AGPAT3: variants seen among roughly 807,000 people sequenced by gnomAD.
AGPAT3 encodes the protein 1-acylglycerol-3-phosphate O-acyltransferase 3.
In AGPAT3, 5 loss-of-function variants were observed where a neutral mutation model predicts 47.3. The observed-to-expected ratio is 0.11, with a 90% CI of 0.06 to 0.22. The LOEUF (loss-of-function observed/expected upper bound fraction) is 0.22. AGPAT3 is among the 10% of genes least tolerant of loss of function. The pLI is 1.00. For missense variants in AGPAT3, 315 were observed against 493.0 expected (o/e 0.64, Z 3.42); for synonymous variants, 212 against 208.3 (o/e 1.02, Z -0.15).
chr21:43,941,629 G>A (rs540802949), intron 2 of AGPAT3, among the ~76,000 whole-genome samples: 1 of 152,312 alleles, frequency 6.6e-6, no homozygotes, highest in Admixed American at 6.5e-5. Context: ...TGAGCAAGGG[G>A]GTCGGTCATT....
At chr21:43,910,330 G>A (rs982514778) in intron 2 of AGPAT3, among the ~76,000 whole-genome samples, 1 of 152,232 alleles carries the variant, frequency 6.6e-6, no homozygotes, top group Non-Finnish European at 1.5e-5. Flanking sequence ...GGAGCCACAG[G>A]TGTCTCCCAG....
intron 1 of AGPAT3, among the ~76,000 whole-genome samples, chr21:43,882,822 TAAG>T (rs1202703364): frequency 6.6e-6 from 1 of 152,114 alleles, no homozygotes; most frequent in African/African-American, 2.4e-5. Context: ...GGGTGGGGCT[TAAG>T]GAGGTAGCTG....
chr21:43,924,499 G>A (rs150670253), intron 2 of AGPAT3, among the ~76,000 whole-genome samples: 10 of 152,290 alleles, frequency 6.6e-5, no homozygotes, highest in African/African-American at 2.2e-4. Context: ...GTCCGCTCCC[G>A]TGAGGAGCAG....
rs549429140 is a variant in AGPAT3, at chr21:43,968,121, C to T, written c.348+6C>T. 25 of 1,415,262 alleles carry T rather than the reference C, an allele frequency of 1.8e-5. No homozygotes were observed. Among genetic ancestry groups the T allele is most frequent in the South Asian group, 1.4e-4 (12 of 88,368 alleles). 87.7% of individuals were successfully genotyped at this position (1,415,262 alleles called of 1,614,324 possible). On this transcript the variant is annotated splice_donor_region_variant and intron_variant, in intron 4 of 9. Coordinates refer to ENST00000291572, the MANE Select transcript of AGPAT3 (RefSeq NM_020132.5). ...AGCGCTTCGGAGTGCTGGGGGTGAG[C>T]GGGGACCTGGGGAGGGCCACGGGTG...
intron 2 of AGPAT3, among the ~76,000 whole-genome samples, chr21:43,928,751 C>T (rs758343734): frequency 2.6e-5 from 4 of 152,182 alleles, no homozygotes; most frequent in Admixed American, 6.5e-5. Flanking sequence ...CTACTGGAGA[C>T]GTCATCGGAT....
Position 43,981,362 on chromosome 21 carries a change from A to G in AGPAT3, c.1042+175A>G, listed in dbSNP as rs2089844576. On this transcript the variant is annotated intron_variant, in intron 9 of 9. Transcript: ENST00000291572. The surrounding 1 kb of genome is among the most constrained non-coding windows in gnomAD (Gnocchi z 5.3). ...CGGGCCTCAGAGCCTGGATTCTTGC[A>G]CTGAGCTGAGGGTCGCCTCCCCAGA... 2 of 722,072 alleles carry G rather than the reference A, an allele frequency of 2.8e-6. No homozygotes were observed. Among genetic ancestry groups the G allele is most frequent in the Non-Finnish European group, 4.6e-6 (2 of 438,090 alleles). The allele number at this position is 722,072 out of a possible 1,614,324, so 44.7% of individuals were successfully genotyped here. A position where few individuals can be genotyped will look rare whatever the true frequency, so the allele number is the denominator to read the frequency against.
intron 1 of AGPAT3, among the ~76,000 whole-genome samples, chr21:43,889,800 A>AATGATC (rs1218141650): frequency 6.6e-6 from 1 of 152,228 alleles, no homozygotes; most frequent in Non-Finnish European, 1.5e-5. Context: ...AAAAAATGCT[A>AATGATC]ATGATCATCT....
At chr21:43,957,401 G>A (rs764616166) in intron 2 of AGPAT3, among the ~76,000 whole-genome samples, 1 of 152,208 alleles carries the variant, frequency 6.6e-6, no homozygotes, top group Non-Finnish European at 1.5e-5. Flanking sequence ...CCATGGGAGT[G>A]CACTCAGTGC....
chr21:43,905,351 G>T (rs1240529893), intron 2 of AGPAT3, among the ~76,000 whole-genome samples: 1 of 151,802 alleles, frequency 6.6e-6, no homozygotes, highest in African/African-American at 2.4e-5. Context: ...CACCACGTCC[G>T]GCTAATTTTT....
chr21:43,948,157 G>A (rs2087996383), intron 2 of AGPAT3: 1 of 152,136 alleles, frequency 6.6e-6, no homozygotes, highest in Non-Finnish European at 1.5e-5. Flanking sequence ...CTTGAAGAGG[G>A]CAGCTGCTGG....
intron 7 of AGPAT3, among the ~76,000 whole-genome samples, chr21:43,972,959 G>A (rs2089459364): frequency 6.6e-6 from 1 of 152,174 alleles, no homozygotes; most frequent in African/African-American, 2.4e-5. Flanking sequence ...CTGAGTGTGC[G>A]TCCTGATCAG....
Position 43,962,203 on chromosome 21 carries a change from T to C in AGPAT3, c.178+2344T>C, listed in dbSNP as rs183322810. Among the ~76,000 whole-genome samples the C allele has an allele frequency of 4.3e-3, 649 of 152,110 alleles. 2 individuals are homozygous for C. The highest frequency in any genetic ancestry group is 6.8e-3 in the Non-Finnish European group (464 of 67,960). On this transcript the variant is annotated intron_variant, in intron 3 of 9. Coordinates refer to ENST00000291572, the MANE Select transcript of AGPAT3 (RefSeq NM_020132.5). ...ATTTTTAGTAGAGACGGGGTTTCAC[T>C]GTGTTAGCCAGGATGGTTTTGATCT...
intron 2 of AGPAT3, among the ~76,000 whole-genome samples, chr21:43,917,178 GC>G (rs1029613984): frequency 1.3e-5 from 1 of 78,308 alleles, no homozygotes; most frequent in Non-Finnish European, 3.1e-5. Flanking sequence ...CCCCGCCCCC[GC>G]CCCCCACACA....
intron 1 of AGPAT3, among the ~76,000 whole-genome samples, chr21:43,873,848 A>G (rs768188206): frequency 6.6e-5 from 10 of 152,158 alleles, no homozygotes; most frequent in Non-Finnish European, 1.3e-4. Context: ...AGAACCAGCT[A>G]TCAGTCTTAC....
intron 2 of AGPAT3, among the ~76,000 whole-genome samples, chr21:43,947,991 C>T (rs921792379): frequency 2.0e-5 from 3 of 152,176 alleles, no homozygotes; most frequent in Admixed American, 6.5e-5. Flanking sequence ...ATATTGAATA[C>T]GAGCCATTCG....
chr21:43,897,353 T>C (rs1472082640), intron 1 of AGPAT3, among the ~76,000 whole-genome samples: 2 of 152,124 alleles, frequency 1.3e-5, no homozygotes, highest in Non-Finnish European at 2.9e-5. Flanking sequence ...CTATGTCTAC[T>C]TCTTTCTACA....
rs1003839952 is a variant in AGPAT3, at chr21:43,954,138, C to A, written c.-48-5496C>A. On this transcript the variant is annotated intron_variant, in intron 2 of 9. Coordinates refer to ENST00000291572, the MANE Select transcript of AGPAT3 (RefSeq NM_020132.5). The surrounding 1 kb of genome is among the most constrained non-coding windows in gnomAD (Gnocchi z 4.0). ...GGGGCCACTGAGTCCAGGCCCCTCC[C>A]AATGCTTTCCTGCTCTGCCAGCCCA... 3.3e-5 allele frequency among the ~76,000 whole-genome samples: 5 copies of A among 152,258 alleles called. No homozygotes were observed. Among genetic ancestry groups the A allele is most frequent in the Admixed American group, 6.5e-5 (1 of 15,294 alleles).
chr21:43,933,044 G>A lies in AGPAT3; in HGVS notation c.-48-26590G>A, dbSNP rs563192681. Among the ~76,000 whole-genome samples, 1 of 152,330 alleles carries A rather than the reference G, an allele frequency of 6.6e-6. No individual in the cohort carries two copies. The highest frequency in any genetic ancestry group is 1.9e-4 in the East Asian group (1 of 5,190). On this transcript the variant is annotated intron_variant, in intron 2 of 9. Transcript: ENST00000291572. The surrounding 1 kb of genome is among the most constrained non-coding windows in gnomAD (Gnocchi z 6.0). ...CTCTCTCCCTCACAGCGTGCCAGGTGCCTTTTCTCTGCGTTCTCGTCAACA... is the reference window on the plus strand; with the variant it reads ...CTCTCTCCCTCACAGCGTGCCAGGTACCTTTTCTCTGCGTTCTCGTCAACA...
chr21:43,956,476 G>A (rs1450560693), intron 2 of AGPAT3, among the ~76,000 whole-genome samples: 3 of 152,234 alleles, frequency 2.0e-5, no homozygotes, highest in Admixed American at 6.5e-5. Context: ...CGTGAGAGGT[G>A]TTCAACACAG....
Sources: allele counts gnomAD v4.1 joint callset (sites outside exome capture counted in the v4.1 genomes callset), GRCh38; gene constraint gnomAD v4.1.1; non-coding constraint Gnocchi (gnomAD v3.1); transcripts MANE v1.5; gene names NCBI Gene and HGNC (gene_info 2026-07-23, HGNC 2026-07-21).